The following FAT3 variants were observed in gnomAD, a reference collection of about 807,000 sequenced individuals.
The protein encoded by FAT3 is FAT atypical cadherin 3.
In FAT3, 95 loss-of-function variants were observed where a neutral mutation model predicts 310.2. That is an observed-to-expected ratio of 0.31 (90% CI 0.26 to 0.36). The LOEUF is 0.36. Among genes scored for constraint, FAT3 ranks in the 10% least tolerant of loss-of-function variants. The pLI, the probability that FAT3 is intolerant of heterozygous loss-of-function variation, is 1.00. For synonymous variants in FAT3, 2,314 were observed against 2,192.9 expected (o/e 1.06, Z -1.54); for missense variants, 5,408 against 5,715.6 (o/e 0.95, Z 1.74).
chr11:92,581,233 A>T (rs1938781605), intron 3 of FAT3, among the ~76,000 whole-genome samples: 1 of 151,990 alleles, frequency 6.6e-6, no homozygotes, highest in Non-Finnish European at 1.5e-5. Context: ...GCCCCTGTGT[A>T]AGTAGCAAGT....
chr11:92,412,402 A>ATTTTT lies in FAT3; in HGVS notation c.3292+57013_3292+57017dup, dbSNP rs780298367. Among the ~76,000 whole-genome samples the ATTTTT allele has an allele frequency of 7.5e-4, 76 of 101,138 alleles. 9 individuals are homozygous for ATTTTT. The South Asian group carries it at 0.011, about 15-fold the overall frequency. 66.4% of individuals were successfully genotyped at this position (101,138 alleles called of 152,430 possible). A position where few individuals can be genotyped will look rare whatever the true frequency, so the allele number is the denominator to read the frequency against. On this transcript the variant is annotated intron_variant, in intron 2 of 27. Transcript: ENST00000525166. Reference sequence around the variant, plus strand: ...AGGCATGAGCCACCAGACCCGGCCTATTTTTTTTTTTTTTTTTTTGAGAGT... The same window carrying ATTTTT: ...AGGCATGAGCCACCAGACCCGGCCTATTTTTTTTTTTTTTTTTTTTTTTTGAGAGT...
chr11:92,428,777 C>G (rs536344620), intron 2 of FAT3, among the ~76,000 whole-genome samples: 2 of 151,972 alleles, frequency 1.3e-5, no homozygotes, highest in African/African-American at 2.4e-5. Flanking sequence ...TTTGCATTGC[C>G]GAGGAGTGTT....
chr11:92,355,971 A>C (rs111510152), intron 2 of FAT3, among the ~76,000 whole-genome samples: 4 of 152,160 alleles, frequency 2.6e-5, no homozygotes, highest in Non-Finnish European at 5.9e-5. Context: ...TGTTTTCTTA[A>C]TGGAATAAAT....
rs200350198 is a variant in FAT3 at position 92,392,483 on chromosome 11, C to T, written c.3292+37079C>T. 1.6e-4 allele frequency among the ~76,000 whole-genome samples: 24 copies of T among 152,170 alleles called. No homozygotes were observed. In the East Asian group the frequency reaches 2.7e-3, roughly 17 times the overall value. ...CTTTCTTCCTGGTCACCTGGCTGACCGCAATTTATCCTTGGGACTCAGGGT... is the reference window on the plus strand; with the variant it reads ...CTTTCTTCCTGGTCACCTGGCTGACTGCAATTTATCCTTGGGACTCAGGGT... On this transcript the variant is annotated intron_variant, in intron 2 of 27. Coordinates refer to ENST00000525166, the MANE Select transcript of FAT3 (RefSeq NM_001367949.2).
intron 13 of FAT3, among the ~76,000 whole-genome samples, chr11:92,824,070 T>G (rs1948039671): frequency 1.3e-5 from 2 of 152,098 alleles, no homozygotes; most frequent in African/African-American, 4.8e-5. Flanking sequence ...GAAAATCATT[T>G]TTAAGGCTGG....
intron 3 of FAT3, among the ~76,000 whole-genome samples, chr11:92,627,919 C>G (rs963662742): frequency 6.6e-6 from 1 of 152,152 alleles, no homozygotes; most frequent in African/African-American, 2.4e-5. Context: ...GTGACAGAGC[C>G]CATGACTGGA....
intron 22 of FAT3, among the ~76,000 whole-genome samples, chr11:92,878,548 G>A (rs1391028933): frequency 4.3e-5 from 6 of 138,420 alleles, no homozygotes; most frequent in African/African-American, 1.6e-4. Context: ...ACTGCAGGGA[G>A]AAAACTTCAT....
chr11:92,647,905 G>A (rs538055300), intron 3 of FAT3, among the ~76,000 whole-genome samples: 26 of 152,188 alleles, frequency 1.7e-4, no homozygotes, highest in African/African-American at 6.0e-4. Context: ...AGCAGAATAT[G>A]TGCCTGTCTT....
In FAT3 at chr11:92,763,286, C is replaced by T. The variant is rs16918029; in HGVS notation, c.3984+1116C>T. On this transcript the variant is annotated intron_variant, in intron 5 of 27. Coordinates refer to ENST00000525166, the MANE Select transcript of FAT3 (RefSeq NM_001367949.2). ...TATCCTTTCTCTCCTGTGGTCTAGA[C>T]GTGGGCTCCTTGCTGTGCTCGGTTA... Among the ~76,000 whole-genome samples, 248 of 152,158 alleles carry T rather than the reference C, an allele frequency of 1.6e-3. 3 individuals carry two copies. The highest frequency in any genetic ancestry group is 5.5e-3 in the African/African-American group (230 of 41,520).
rs1382500528 is a variant in FAT3, at chr11:92,889,862, T to C, written c.13118T>C (p.Val4373Ala). The C allele has an allele frequency of 1.4e-6, 1 of 718,084 alleles. No individual in the cohort carries two copies. The highest frequency in any genetic ancestry group is 1.5e-5 in the South Asian group (1 of 67,606). 44.5% of individuals were successfully genotyped at this position (718,084 alleles called of 1,614,324 possible). The change falls in exon 27 of 28, where the codon GTC becomes GCC. Residue 4373 changes from valine (V) to alanine (A), a missense_variant. Val to Ala is a moderately conservative substitution (Grantham distance 64). Transcript: ENST00000525166. ...VVDTIENEVS[V>A]MDQGQNYNRA... is the part of the protein sequence containing the mutation. ...TCACTTTGTATTTAAACAGTGTCTG[T>C]CATGGACCAAGGACAGAACTACAAC...
Position 92,791,313 on chromosome 11 carries a change from A to T in FAT3, c.4611+1095A>T, listed in dbSNP as rs114826849. On this transcript the variant is annotated intron_variant, in intron 8 of 27. Transcript: ENST00000525166. ...TCCTGCACCCTAGGAGCTTACACTAAATTGGAACTGACCTAGATTTCAACA... is the reference window on the plus strand; with the variant it reads ...TCCTGCACCCTAGGAGCTTACACTATATTGGAACTGACCTAGATTTCAACA... Among the ~76,000 whole-genome samples, 508 of 152,318 alleles carry T rather than the reference A, an allele frequency of 3.3e-3. 2 individuals are homozygous for T. Among genetic ancestry groups the T allele is most frequent in the African/African-American group, 0.011 (474 of 41,584 alleles).
rs1270835037 is a variant in FAT3 at position 92,354,277 on chromosome 11, G to C, written c.2165G>C (p.Gly722Ala). ...GACTTTTATTCAATTAATAGACAGGGACCATATTTTGACAAGTCTTTTCCT... is the reference window on the plus strand; with the variant it reads ...GACTTTTATTCAATTAATAGACAGGCACCATATTTTGACAAGTCTTTTCCT... ...FLDFYSINRQ[G>A]PYFDKSFPSD... is the part of the protein sequence containing the mutation. The change falls in exon 2 of 28, where the codon GGA (glycine) becomes GCA (alanine). Residue 722 changes from glycine (G) to alanine (A), a missense_variant. Physicochemically the swap from Gly to Ala is moderately conservative, Grantham distance 60 (BLOSUM62 0). This residue lies in a region of FAT3 where 4,588 missense variants were observed against 4,809.8 expected (regional missense o/e 0.95). Coordinates refer to ENST00000525166, the MANE Select transcript of FAT3 (RefSeq NM_001367949.2). The C allele has an allele frequency of 6.2e-7, 1 of 1,613,664 alleles. No individual in the cohort carries two copies. The highest frequency in any genetic ancestry group is 8.5e-7 in the Non-Finnish European group (1 of 1,179,838).
intron 4 of FAT3, among the ~76,000 whole-genome samples, chr11:92,740,619 CT>C (rs796786623): frequency 2.5e-4 from 38 of 152,262 alleles, no homozygotes; most frequent in African/African-American, 9.1e-4. Context: ...TATTCATTCT[CT>C]TAAATTATTG....
chr11:92,686,128 A>G (rs1342748187), intron 3 of FAT3, among the ~76,000 whole-genome samples: 1 of 152,196 alleles, frequency 6.6e-6, no homozygotes, highest in Non-Finnish European at 1.5e-5. Context: ...TATCATTCTT[A>G]TGAGAGATGG....
chr11:92,776,396 C>T (rs987832696), intron 7 of FAT3, among the ~76,000 whole-genome samples: 4 of 152,148 alleles, frequency 2.6e-5, no homozygotes, highest in Admixed American at 6.5e-5. Context: ...TTATTAGAAC[C>T]AGATGAGAAA....
intron 1 of FAT3, among the ~76,000 whole-genome samples, chr11:92,232,110 G>A (rs1051305736): frequency 3.9e-5 from 6 of 152,142 alleles, no homozygotes; most frequent in African/African-American, 1.4e-4. Flanking sequence ...CCATGCTAGG[G>A]TGGATTTTGC....
At chr11:92,823,571 T>C (rs1290104687) in intron 13 of FAT3, among the ~76,000 whole-genome samples, 2 of 152,188 alleles carry the variant, frequency 1.3e-5, no homozygotes, top group African/African-American at 2.4e-5. Flanking sequence ...TTATTTTGCA[T>C]GGGAGCCCAC....
chr11:92,641,462 C>A (rs1409120196), intron 3 of FAT3, among the ~76,000 whole-genome samples: 1 of 152,166 alleles, frequency 6.6e-6, no homozygotes, highest in East Asian at 1.9e-4. Context: ...CAAGGCCATG[C>A]CCTCTCTGAA....
chr11:92,641,369 T>A (rs1274368866), intron 3 of FAT3, among the ~76,000 whole-genome samples: 3 of 152,218 alleles, frequency 2.0e-5, no homozygotes, highest in African/African-American at 4.8e-5. Flanking sequence ...TATGACAAGT[T>A]ACCAGAAACT....
Sources: allele counts gnomAD v4.1 joint callset (sites outside exome capture counted in the v4.1 genomes callset), GRCh38; gene constraint gnomAD v4.1.1; regional missense constraint gnomAD v4.1.1; transcripts MANE v1.5; gene names NCBI Gene and HGNC (gene_info 2026-07-23, HGNC 2026-07-21).